Variants in GPR158 observed in about 807,000 individuals in gnomAD.
The protein encoded by GPR158 is G protein-coupled receptor 158, also known as metabotropic glycine receptor.
Under a neutral mutation model 78.2 loss-of-function variants are expected in GPR158, and 30 were observed. The observed-to-expected ratio is 0.38, with a 90% confidence interval of 0.29 to 0.52. The LOEUF (loss-of-function observed/expected upper bound fraction) is 0.52. Among genes scored for constraint, GPR158 ranks in the 20% least tolerant of loss-of-function variants. The pLI is 0.83. For synonymous variants in GPR158, 581 were observed against 591.1 expected, an observed-to-expected ratio of 0.98 and a Z score of 0.25; for missense variants, 1,463 against 1,523.5, an observed-to-expected ratio of 0.96 and a Z score of 0.66.
At chr10:25,182,461 G>A (rs989016213) in intron 1 of GPR158, among the ~76,000 whole-genome samples, 2 of 152,196 alleles carry the variant, frequency 1.3e-5, no homozygotes, top group African/African-American at 2.4e-5. Flanking sequence ...ACATGTTGTG[G>A]TGTAGCAATG....
chr10:25,285,043 T>A (rs1050512869), intron 2 of GPR158, among the ~76,000 whole-genome samples: 14 of 150,094 alleles, frequency 9.3e-5, no homozygotes, highest in Non-Finnish European at 1.6e-4. Flanking sequence ...ATTTTTCCCT[T>A]ACTGCATTTC....
At chr10:25,321,865 T>G (rs1298253531) in intron 2 of GPR158, among the ~76,000 whole-genome samples, 2 of 152,176 alleles carry the variant, frequency 1.3e-5, no homozygotes, top group Non-Finnish European at 2.9e-5. Flanking sequence ...ATCTTATATA[T>G]TTTTTATTCT....
chr10:25,463,254 A>C (rs1432323655), intron 4 of GPR158, among the ~76,000 whole-genome samples: 1 of 152,188 alleles, frequency 6.6e-6, no homozygotes, highest in African/African-American at 2.4e-5. Context: ...ACATAATGCT[A>C]TTGCATTCTT....
intron 2 of GPR158, among the ~76,000 whole-genome samples, chr10:25,301,654 G>A (rs1025371491): frequency 2.6e-5 from 4 of 151,322 alleles, no homozygotes; most frequent in African/African-American, 9.8e-5. Context: ...CAAAAAAAAA[G>A]AAAATAGTTG....
chr10:25,214,119 C>T (rs1220026087), intron 1 of GPR158, among the ~76,000 whole-genome samples: 71 of 151,902 alleles, frequency 4.7e-4, no homozygotes, highest in Admixed American at 4.5e-3. Context: ...CTCAGCTTCC[C>T]GAGTAGCTGG....
At chr10:25,516,079 A>G (rs1220935699) in intron 5 of GPR158, among the ~76,000 whole-genome samples, 2 of 151,720 alleles carry the variant, frequency 1.3e-5, no homozygotes, top group African/African-American at 2.4e-5. Flanking sequence ...GTGTGAGATG[A>G]TATCTCATAG....
intron 3 of GPR158, among the ~76,000 whole-genome samples, chr10:25,408,496 C>T (rs1337590771): frequency 6.6e-6 from 1 of 152,192 alleles, no homozygotes; most frequent in African/African-American, 2.4e-5. Flanking sequence ...ACAGCCCATA[C>T]TTTATCGTCT....
At chr10:25,332,205 T>C (rs1160747183) in intron 2 of GPR158, among the ~76,000 whole-genome samples, 1 of 152,196 alleles carries the variant, frequency 6.6e-6, no homozygotes, top group African/African-American at 2.4e-5. Context: ...GTGATTCTGA[T>C]GTGCTGACAA....
chr10:25,460,446 C>T (rs749062980), intron 4 of GPR158, among the ~76,000 whole-genome samples: 3 of 152,168 alleles, frequency 2.0e-5, no homozygotes, highest in Admixed American at 6.5e-5. Context: ...CCGCCCACCT[C>T]GGCCTCCCTA....
intron 2 of GPR158, among the ~76,000 whole-genome samples, chr10:25,363,574 G>A (rs2130537198): frequency 6.6e-6 from 1 of 151,980 alleles, no homozygotes; most frequent in Non-Finnish European, 1.5e-5. Context: ...TTGAGCTGGT[G>A]GCTGGGAAAG....
At chr10:25,584,512 C>T (rs1456373924) in intron 7 of GPR158, among the ~76,000 whole-genome samples, 11 of 152,172 alleles carry the variant, frequency 7.2e-5, no homozygotes, top group Non-Finnish European at 2.9e-5. Flanking sequence ...CATTGTAGCA[C>T]ACTAATTAAC....
chr10:25,561,879 CAT>C (rs1177818059), intron 6 of GPR158, among the ~76,000 whole-genome samples: 2 of 152,170 alleles, frequency 1.3e-5, no homozygotes, highest in Non-Finnish European at 2.9e-5. Context: ...TTAAAATAGT[CAT>C]ACCGCAGGTA....
chr10:25,400,347 G>T (rs11014525), intron 3 of GPR158, among the ~76,000 whole-genome samples: 6,798 of 152,148 alleles, frequency 0.045, 529 homozygotes, highest in African/African-American at 0.15. Context: ...GCTAAGACGT[G>T]GTGCTGATCT....
intron 5 of GPR158, among the ~76,000 whole-genome samples, chr10:25,503,507 T>C (rs911917106): frequency 6.6e-6 from 1 of 152,184 alleles, no homozygotes; most frequent in Non-Finnish European, 1.5e-5. Flanking sequence ...GGGAGGAAAG[T>C]GCAGTCAGCA....
intron 2 of GPR158, among the ~76,000 whole-genome samples, chr10:25,332,000 GA>G (rs373685886): frequency 2.7e-5 from 4 of 150,630 alleles, no homozygotes; most frequent in South Asian, 2.1e-4. Flanking sequence ...TCCAAAAAGT[GA>G]AAAAAAAAGT....
chr10:25,228,810 T>A (rs1853409021), intron 2 of GPR158, among the ~76,000 whole-genome samples: 1 of 151,942 alleles, frequency 6.6e-6, no homozygotes, highest in South Asian at 2.1e-4. Flanking sequence ...GGCAGACGGA[T>A]CACGAGGTCA....
intron 3 of GPR158, among the ~76,000 whole-genome samples, chr10:25,412,002 G>A (rs1160857390): frequency 7.7e-6 from 1 of 130,250 alleles, no homozygotes; most frequent in Non-Finnish European, 1.6e-5. Flanking sequence ...CCCTCATGAA[G>A]CTTTATTTCC....
rs1852527216 is a variant in GPR158, at chr10:25,176,064, A to G, written c.644A>G (p.Asn215Ser). ...DLSSSAPHLANATLETEWFHG... is the reference protein window; with the variant it reads ...DLSSSAPHLASATLETEWFHG... ...TCCTCCTCCGCACCCCACCTGGCCA[A>G]CGCCACTCTGGAGACCGAGTGGTTC... Residue 215 changes from asparagine (N) to serine (S), a missense_variant, in exon 1 of 11, where the codon AAC becomes AGC. Asn to Ser is a conservative substitution (Grantham distance 46). Coordinates refer to ENST00000376351, the MANE Select transcript of GPR158 (RefSeq NM_020752.3). This position sits in a 1 kb window ranked among gnomAD's most constrained non-coding sequence, Gnocchi z 6.3. 3 of 1,605,040 alleles carry G rather than the reference A, an allele frequency of 1.9e-6. No homozygotes were observed. The highest frequency in any genetic ancestry group is 4.5e-5 in the East Asian group (2 of 44,410).
At chr10:25,429,825 A>T (rs1490184779) in intron 4 of GPR158, among the ~76,000 whole-genome samples, 2 of 143,144 alleles carry the variant, frequency 1.4e-5, no homozygotes, top group African/African-American at 5.4e-5. Flanking sequence ...TCATGCTAAA[A>T]ACTCTCAATA....
Sources: gnomAD v4.1 joint callset for allele counts (sites outside exome capture counted in the v4.1 genomes callset) on GRCh38, gnomAD v4.1.1 for gene constraint, Gnocchi (gnomAD v3.1) non-coding constraint, MANE v1.5 for transcripts, NCBI Gene and HGNC (gene_info 2026-07-23, HGNC 2026-07-21) for gene names.